The following HIPK2 variants were observed in gnomAD, a reference collection of about 807,000 sequenced individuals.
HIPK2 encodes the protein homeodomain interacting protein kinase 2, also known as homeodomain-interacting protein kinase 2.
A neutral mutation model predicts 113.7 loss-of-function variants in HIPK2; 27 were observed. The observed-to-expected ratio is 0.24, with a 90% CI of 0.17 to 0.33. HIPK2 has a LOEUF of 0.33. HIPK2 is among the 10% of genes least tolerant of loss of function. The pLI is 1.00. For synonymous variants in HIPK2, 631 were observed against 642.2 expected, an observed-to-expected ratio of 0.98 and a Z score of 0.26; for missense variants, 1,257 against 1,588.0, an observed-to-expected ratio of 0.79 and a Z score of 3.54.
intron 2 of HIPK2, among the ~76,000 whole-genome samples, chr7:139,655,646 G>A (rs746271359): frequency 6.6e-6 from 1 of 152,136 alleles, no homozygotes; most frequent in African/African-American, 2.4e-5. Context: ...ACTGATGGAC[G>A]CACAAGTGGA....
At chr7:139,617,806 T>C (rs369094566) in intron 7 of HIPK2, among the ~76,000 whole-genome samples, 2 of 152,260 alleles carry the variant, frequency 1.3e-5, no homozygotes, top group East Asian at 1.9e-4. Context: ...TAGTTTAATG[T>C]CCTTCAACTT....
At chr7:139,744,227 A>C (rs984541059) in intron 1 of HIPK2, among the ~76,000 whole-genome samples, 3 of 152,376 alleles carry the variant, frequency 2.0e-5, no homozygotes, top group African/African-American at 7.2e-5. Context: ...GTGAAACACT[A>C]TTTGGCAATA....
chr7:139,597,379 T>G (rs1569449501), intron 11 of HIPK2, among the ~76,000 whole-genome samples: 1 of 152,208 alleles, frequency 6.6e-6, no homozygotes, highest in Non-Finnish European at 1.5e-5. Context: ...TTCTGAGCTC[T>G]GTCTTGTGTC....
rs142152277 is a variant in HIPK2, at chr7:139,568,921, ACTTCC to A, written c.*4001_*4005del. 8,493 of 152,436 alleles carry A rather than the reference ACTTCC, an allele frequency of 0.056. 248 individuals are homozygous for A. Among genetic ancestry groups the A allele is most frequent in the Middle Eastern group, 0.065 (19 of 294 alleles). The allele number at this position is 152,436 out of a possible 1,614,324, so 9.4% of individuals were successfully genotyped here. A position where few individuals can be genotyped will look rare whatever the true frequency, so the allele number is the denominator to read the frequency against. On this transcript the variant is annotated 3_prime_UTR_variant, in exon 15 of 15. Transcript: ENST00000406875. ...GTCTGTGGGGCTGGCATCGCCCAAT[ACTTCC>A]CTTCCCTTCCCTTCGGTGAAGCTGG...
Position 139,621,348 on chromosome 7 carries a change from C to T in HIPK2, c.1620-785G>A, listed in dbSNP as rs533895030. Among the ~76,000 whole-genome samples the T allele has an allele frequency of 2.6e-5, 4 of 152,222 alleles. No homozygotes were observed. The South Asian group carries it at 6.2e-4, about 24-fold the overall frequency. Reference sequence around the variant, plus strand: ...CACATACGTCCTCTTTCACCAACTTCAGCCTTCATTTTCTTGTCTAAGTCT... The same window carrying T: ...CACATACGTCCTCTTTCACCAACTTTAGCCTTCATTTTCTTGTCTAAGTCT... On this transcript the variant is annotated intron_variant, in intron 6 of 14. Transcript: ENST00000406875.
At position 139,596,979 on chromosome 7, in the gene HIPK2, C is replaced by A. The variant is rs528825468; in HGVS notation, c.2455G>T (p.Val819Leu). 1 of 1,597,578 alleles carries A rather than the reference C, an allele frequency of 6.3e-7. No individual in the cohort carries two copies. The highest frequency in any genetic ancestry group is 8.6e-7 in the Non-Finnish European group (1 of 1,166,734). The change falls in exon 12 of 15, where the codon GTG becomes TTG. Residue 819 changes from valine to leucine, a missense_variant. Coordinates refer to ENST00000406875, the MANE Select transcript of HIPK2 (RefSeq NM_022740.5). ...SSVRNVSTCE[V>L]SSSQAISSPQ... is the part of the protein sequence containing the mutation. ...GAGCTGATGGCCTGAGAGGAGGACA[C>A]CTCACAGGTGGAGACATTTCTGTAA...
At chr7:139,763,063 T>G (rs929415805) in intron 1 of HIPK2, among the ~76,000 whole-genome samples, 1 of 152,070 alleles carries the variant, frequency 6.6e-6, no homozygotes, top group East Asian at 1.9e-4. Context: ...AAGGGAAGAC[T>G]GTTGTGTGGG....
At chr7:139,711,588 AT>A (rs1295544363) in intron 2 of HIPK2, among the ~76,000 whole-genome samples, 2 of 152,218 alleles carry the variant, frequency 1.3e-5, no homozygotes, top group African/African-American at 2.4e-5. Context: ...ACCAAAAAAA[AT>A]CTATATATTT....
chr7:139,768,976 G>C (rs139934078), intron 1 of HIPK2, among the ~76,000 whole-genome samples: 1 of 152,138 alleles, frequency 6.6e-6, no homozygotes, highest in Non-Finnish European at 1.5e-5. Context: ...GAATAATAAC[G>C]CATGAAGACC....
intron 7 of HIPK2, 40 bp from the exon 8 acceptor site, chr7:139,614,533 TA>T: frequency 1.6e-6 from 2 of 1,249,556 alleles, no homozygotes; most frequent in South Asian, 3.1e-5. Flanking sequence ...TAAACAAAAA[TA>T]AAAAATGAGG....
At chr7:139,637,689 A>G (rs1800858589) in intron 2 of HIPK2, among the ~76,000 whole-genome samples, 1 of 152,228 alleles carries the variant, frequency 6.6e-6, no homozygotes, top group South Asian at 2.1e-4. Context: ...GGCATTCGGT[A>G]GCCACTCATT....
rs1289711700 is a variant in HIPK2, at chr7:139,777,684, C to T, written c.-61G>A. On this transcript the variant is annotated 5_prime_UTR_variant, in exon 1 of 15. Transcript: ENST00000406875. Reference sequence around the variant, plus strand: ...ACGGGAAAGCGGCGCGCGAGCTCGGCCCCCCCAGCCTCAGTCGGAATCTGC... The same window carrying T: ...ACGGGAAAGCGGCGCGCGAGCTCGGTCCCCCCAGCCTCAGTCGGAATCTGC... 14 of 1,078,576 alleles carry T rather than the reference C, an allele frequency of 1.3e-5. No individual in the cohort carries two copies. The highest frequency in any genetic ancestry group is 1.5e-5 in the Non-Finnish European group (13 of 888,214). 66.8% of individuals were successfully genotyped at this position (1,078,576 alleles called of 1,614,324 possible).
At chr7:139,757,206 CAT>C in intron 1 of HIPK2, among the ~76,000 whole-genome samples, 1 of 152,326 alleles carries the variant, frequency 6.6e-6, no homozygotes, top group South Asian at 2.1e-4. Flanking sequence ...GCACAAACCA[CAT>C]ATCAGTCAAA....
At chr7:139,699,186 G>T (rs1375613905) in intron 2 of HIPK2, among the ~76,000 whole-genome samples, 3 of 152,052 alleles carry the variant, frequency 2.0e-5, no homozygotes, top group Non-Finnish European at 2.9e-5. Flanking sequence ...TCTCCCACCA[G>T]CCTGGGGCAG....
chr7:139,632,069 G>A (rs1800636926), intron 2 of HIPK2, among the ~76,000 whole-genome samples: 1 of 152,252 alleles, frequency 6.6e-6, no homozygotes. Context: ...TTTTGTAGCT[G>A]AAAGTCTGGG....
chr7:139,672,632 G>A (rs1387524749), intron 2 of HIPK2, among the ~76,000 whole-genome samples: 1 of 152,104 alleles, frequency 6.6e-6, no homozygotes. Context: ...CTAATTTTTT[G>A]TATTTTCAGT....
intron 2 of HIPK2, among the ~76,000 whole-genome samples, chr7:139,650,621 C>T (rs747254772): frequency 2.0e-5 from 3 of 152,184 alleles, no homozygotes; most frequent in Admixed American, 2.0e-4. Context: ...TCTCCTCTCA[C>T]ACTGAGCAGG....
chr7:139,681,170 T>G (rs1274769282), intron 2 of HIPK2, among the ~76,000 whole-genome samples: 1 of 152,214 alleles, frequency 6.6e-6, no homozygotes, highest in East Asian at 1.9e-4. Context: ...ATTGGGTCAA[T>G]GTTTTCACTG....
chr7:139,661,546 G>A (rs755910538), intron 2 of HIPK2, among the ~76,000 whole-genome samples: 1 of 152,058 alleles, frequency 6.6e-6, no homozygotes, highest in Admixed American at 6.6e-5. Context: ...CACATCAAAA[G>A]TATAACAGCC....
Sources: gnomAD v4.1 joint callset for allele counts (sites outside exome capture counted in the v4.1 genomes callset) on GRCh38, gnomAD v4.1.1 for gene constraint, MANE v1.5 for transcripts, NCBI Gene and HGNC (gene_info 2026-07-23, HGNC 2026-07-21) for gene names.